The following RASGRF2 variants were observed in gnomAD, a reference collection of about 807,000 sequenced individuals.
The protein encoded by RASGRF2 is ras-specific guanine nucleotide-releasing factor 2.
RASGRF2 carries 76 observed loss-of-function variants against 151.0 expected under a neutral mutation model. The observed-to-expected ratio is 0.50, with a 90% CI of 0.42 to 0.61. RASGRF2 has a LOEUF of 0.61. RASGRF2 is among the 20% of genes least tolerant of loss of function. The pLI is 0.00. For synonymous variants in RASGRF2, 504 were observed against 566.5 expected, an observed-to-expected ratio of 0.89 and a Z score of 1.57; for missense variants, 1,148 against 1,564.6, an observed-to-expected ratio of 0.73 and a Z score of 4.49.
At chr5:81,077,875 G>A (rs1358752661) in intron 5 of RASGRF2, among the ~76,000 whole-genome samples, 1 of 152,144 alleles carries the variant, frequency 6.6e-6, no homozygotes, top group Non-Finnish European at 1.5e-5. Context: ...GGTTGCCTCT[G>A]GCTCTTTGTT....
intron 17 of RASGRF2, among the ~76,000 whole-genome samples, chr5:81,136,273 T>C (rs1753751776): frequency 6.6e-6 from 1 of 152,234 alleles, no homozygotes; most frequent in South Asian, 2.1e-4. Context: ...TTCTGACCTA[T>C]ATCATTTTTC....
chr5:80,966,105 GTGTA>G (rs1019316973), intron 1 of RASGRF2, among the ~76,000 whole-genome samples: 1 of 147,904 alleles, frequency 6.8e-6, no homozygotes, highest in Non-Finnish European at 1.5e-5. Context: ...GTGTGTGTGT[GTGTA>G]TGTGTGTGTG....
At chr5:81,205,225 T>TC (rs1459021913) in intron 19 of RASGRF2, among the ~76,000 whole-genome samples, 2 of 152,154 alleles carry the variant, frequency 1.3e-5, no homozygotes, top group Admixed American at 1.3e-4. Flanking sequence ...AGGCTCCTGC[T>TC]CCCCCTTCAG....
At chr5:81,030,398 G>T (rs1750198618) in intron 1 of RASGRF2, among the ~76,000 whole-genome samples, 1 of 152,168 alleles carries the variant, frequency 6.6e-6, no homozygotes, top group South Asian at 2.1e-4. Flanking sequence ...GGCAGCCAGG[G>T]AGTAAGGTCA....
chr5:81,132,830 A>G (rs1262999666), intron 17 of RASGRF2, among the ~76,000 whole-genome samples: 1 of 152,318 alleles, frequency 6.6e-6, no homozygotes, highest in South Asian at 2.1e-4. Context: ...TGATGTTTAT[A>G]CAATTTGGGG....
chr5:81,217,248 G>C, intron 24 of RASGRF2, 108 bp from the exon 25 acceptor site: 1 of 1,446,662 alleles, frequency 6.9e-7, no homozygotes, highest in Non-Finnish European at 9.2e-7. Context: ...AAAAGGTTTT[G>C]CTCTTCAGTA....
intron 17 of RASGRF2, among the ~76,000 whole-genome samples, chr5:81,175,750 C>T (rs1754759917): frequency 9.2e-6 from 1 of 109,142 alleles, no homozygotes; most frequent in Non-Finnish European, 1.9e-5. Flanking sequence ...AGCGAAACTC[C>T]GTCTCAAAAA....
At chr5:81,207,785 G>A (rs1755544025) in intron 21 of RASGRF2, among the ~76,000 whole-genome samples, 1 of 152,164 alleles carries the variant, frequency 6.6e-6, no homozygotes, top group African/African-American at 2.4e-5. Context: ...GGCAACATGC[G>A]GTACAAGCCT....
chr5:81,059,339 G>A (rs1357278270), intron 2 of RASGRF2, among the ~76,000 whole-genome samples: 2 of 146,162 alleles, frequency 1.4e-5, no homozygotes, highest in Non-Finnish European at 3.0e-5. Context: ...AGTTGATATC[G>A]CACCACTGCA....
chr5:81,207,652 G>A (rs1371699288), intron 21 of RASGRF2, among the ~76,000 whole-genome samples: 1 of 152,236 alleles, frequency 6.6e-6, no homozygotes, highest in Non-Finnish European at 1.5e-5. Flanking sequence ...CATCTCACTT[G>A]TCCCTTGTTT....
chr5:81,025,106 C>A (rs1453830269), intron 1 of RASGRF2, among the ~76,000 whole-genome samples: 2 of 152,196 alleles, frequency 1.3e-5, no homozygotes, highest in Non-Finnish European at 2.9e-5. Flanking sequence ...ATCCCCCATC[C>A]CATCTCCTTG....
chr5:81,107,815 T>C (rs1326010900), intron 12 of RASGRF2, among the ~76,000 whole-genome samples: 2 of 152,254 alleles, frequency 1.3e-5, no homozygotes, highest in Non-Finnish European at 2.9e-5. Context: ...TCCAAATTAC[T>C]TCCAGATGCT....
At chr5:80,962,132 T>C (rs191104909) in intron 1 of RASGRF2, among the ~76,000 whole-genome samples, 1 of 152,184 alleles carries the variant, frequency 6.6e-6, no homozygotes, top group African/African-American at 2.4e-5. Flanking sequence ...ATGTGTAAAA[T>C]TAAGAGGAGT....
intron 1 of RASGRF2, among the ~76,000 whole-genome samples, chr5:80,967,844 A>T (rs1747773089): frequency 6.6e-6 from 1 of 152,246 alleles, no homozygotes; most frequent in Admixed American, 6.5e-5. Context: ...TCAGTGATTC[A>T]TAGGAATAGG....
At chr5:81,133,483 G>C (rs937771368) in intron 17 of RASGRF2, among the ~76,000 whole-genome samples, 1 of 152,206 alleles carries the variant, frequency 6.6e-6, no homozygotes, top group African/African-American at 2.4e-5. Flanking sequence ...TTTGGATATA[G>C]TTATGATATG....
At chr5:81,127,678 C>A (rs153243) in intron 17 of RASGRF2, among the ~76,000 whole-genome samples, 41,839 of 151,812 alleles carry the variant, frequency 0.28, 6,021 homozygotes, top group Middle Eastern at 0.41. Flanking sequence ...AATCCTAGCA[C>A]TTTGGGAGGC....
Position 81,086,956 on chromosome 5 carries a change from A to C in RASGRF2, c.1390+3A>C. 6.2e-7 allele frequency: 1 copy of C among 1,610,978 alleles called. No individual in the cohort carries two copies. The highest frequency in any genetic ancestry group is 8.5e-7 in the Non-Finnish European group (1 of 1,177,150). ...CAGCCAAACGTTCATCCGCCAAGGT[A>C]AGTCCCTGTGAAATGGACCCGCGAC... On this transcript the variant is annotated splice_donor_region_variant and intron_variant, in intron 9 of 26. Transcript: ENST00000265080.
At chr5:81,199,375 A>G (rs1372043763) in intron 18 of RASGRF2, among the ~76,000 whole-genome samples, 1 of 152,254 alleles carries the variant, frequency 6.6e-6, no homozygotes, top group Non-Finnish European at 1.5e-5. Context: ...ACAGAGCATT[A>G]CATTAGTAGA....
At chr5:80,964,945 A>G (rs1747677354) in intron 1 of RASGRF2, among the ~76,000 whole-genome samples, 1 of 152,072 alleles carries the variant, frequency 6.6e-6, no homozygotes, top group South Asian at 2.1e-4. Context: ...ACACATAGCA[A>G]AAAAGCCACC....
Sources: allele counts gnomAD v4.1 joint callset (sites outside exome capture counted in the v4.1 genomes callset), GRCh38; gene constraint gnomAD v4.1.1; transcripts MANE v1.5; gene names NCBI Gene and HGNC (gene_info 2026-07-23, HGNC 2026-07-21).